Variants in GABRB2 observed in about 807,000 individuals in gnomAD.
GABRB2 encodes gamma-aminobutyric acid receptor subunit beta-2.
Under a neutral mutation model 54.7 loss-of-function variants are expected in GABRB2, and 16 were observed. The observed-to-expected ratio is 0.29, with a 90% CI of 0.20 to 0.44. The LOEUF (loss-of-function observed/expected upper bound fraction) is 0.44. Ranked by LOEUF, GABRB2 falls within the 20% of genes least tolerant of loss-of-function variation. The probability of loss-of-function intolerance (pLI) is 1.00; values close to 1 mark genes in which losing one functional copy is unlikely to be tolerated. For synonymous variants in GABRB2, 244 were observed against 233.8 expected (o/e 1.04, Z -0.40); for missense variants, 355 against 644.0 (o/e 0.55, Z 4.86).
chr5:161,356,917 TA>T (rs2113444584), intron 5 of GABRB2, among the ~76,000 whole-genome samples: 1 of 152,292 alleles, frequency 6.6e-6, no homozygotes, highest in Non-Finnish European at 1.5e-5. Flanking sequence ...AATACATATT[TA>T]TTTAGTGCAT....
intron 4 of GABRB2, among the ~76,000 whole-genome samples, chr5:161,421,034 C>T (rs113358340): frequency 1.4e-4 from 21 of 152,260 alleles, no homozygotes; most frequent in African/African-American, 4.8e-4. Context: ...TAAAGCAGCC[C>T]TCCTTCCCTC....
At chr5:161,434,631 T>A (rs1757259713) in intron 4 of GABRB2, among the ~76,000 whole-genome samples, 1 of 152,182 alleles carries the variant, frequency 6.6e-6, no homozygotes, top group Non-Finnish European at 1.5e-5. Context: ...TGGGTAACTC[T>A]AAGTCTTTAA....
chr5:161,466,448 C>G (rs185541878), intron 3 of GABRB2, among the ~76,000 whole-genome samples: 2 of 152,030 alleles, frequency 1.3e-5, no homozygotes, highest in Non-Finnish European at 2.9e-5. Flanking sequence ...TTCTAAATTT[C>G]TCTTCACTCA....
chr5:161,351,620 G>A (rs1268763346), intron 5 of GABRB2, among the ~76,000 whole-genome samples: 3 of 152,000 alleles, frequency 2.0e-5, no homozygotes, highest in Non-Finnish European at 4.4e-5. Flanking sequence ...AGCGGGAAAA[G>A]CTCCATGACA....
chr5:161,304,663 A>G (rs1331597551), intron 9 of GABRB2, among the ~76,000 whole-genome samples: 1 of 148,734 alleles, frequency 6.7e-6, no homozygotes, highest in Non-Finnish European at 1.5e-5. Flanking sequence ...AGAATGGTAA[A>G]TAAACTATAG....
At chr5:161,534,759 C>T (rs34846800) in intron 3 of GABRB2, among the ~76,000 whole-genome samples, 2,376 of 151,798 alleles carry the variant, frequency 0.016, 29 homozygotes, top group East Asian at 0.024. Context: ...ATTTATATTA[C>T]GTGGAATAGA....
chr5:161,321,507 TGAC>T (rs912801642), intron 9 of GABRB2, among the ~76,000 whole-genome samples: 5 of 152,148 alleles, frequency 3.3e-5, no homozygotes, highest in African/African-American at 1.2e-4. Context: ...TTCCTAACTT[TGAC>T]GACATTTTAC....
intron 5 of GABRB2, among the ~76,000 whole-genome samples, chr5:161,395,188 T>A (rs1755957028): frequency 6.6e-6 from 1 of 152,130 alleles, no homozygotes; most frequent in Admixed American, 6.6e-5. Flanking sequence ...TGGAGCCCAA[T>A]TTCTTTATGA....
At chr5:161,335,023 A>T (rs1753951883) in intron 6 of GABRB2, 119 bp from the exon 7 acceptor site, 2 of 988,270 alleles carry the variant, frequency 2.0e-6, no homozygotes, top group Middle Eastern at 3.3e-4. Context: ...AGTGAAGGAC[A>T]CTTTCTTCTG....
intron 9 of GABRB2, among the ~76,000 whole-genome samples, chr5:161,299,412 CT>C (rs1331738201): frequency 2.6e-5 from 4 of 152,162 alleles, no homozygotes; most frequent in Admixed American, 6.5e-5. Flanking sequence ...AATTTTCTCC[CT>C]GGATCTGCAC....
At chr5:161,532,077 C>A (rs978198389) in intron 3 of GABRB2, among the ~76,000 whole-genome samples, 1 of 151,868 alleles carries the variant, frequency 6.6e-6, no homozygotes, top group Non-Finnish European at 1.5e-5. Flanking sequence ...GGTAAGAGCT[C>A]AACAGTGATG....
At chr5:161,445,840 T>A (rs988717611) in intron 4 of GABRB2, among the ~76,000 whole-genome samples, 1 of 152,156 alleles carries the variant, frequency 6.6e-6, no homozygotes, top group African/African-American at 2.4e-5. Flanking sequence ...CTAAAATGTA[T>A]GAAAACCAAA....
chr5:161,526,233 G>A (rs1760274922), intron 3 of GABRB2, among the ~76,000 whole-genome samples: 1 of 151,418 alleles, frequency 6.6e-6, no homozygotes, highest in South Asian at 2.1e-4. Flanking sequence ...AAAGTAGACT[G>A]GCAATTCAAT....
chr5:161,431,472 C>T (rs1335348899), intron 4 of GABRB2, among the ~76,000 whole-genome samples: 3 of 152,080 alleles, frequency 2.0e-5, no homozygotes, highest in African/African-American at 7.2e-5. Context: ...TAAAAGTATA[C>T]AACTTATAAC....
chr5:161,389,747 T>C (rs1755762440), intron 5 of GABRB2, among the ~76,000 whole-genome samples: 1 of 151,962 alleles, frequency 6.6e-6, no homozygotes. Flanking sequence ...GTATCTTTAA[T>C]AACTCAAAAA....
chr5:161,336,814 C>CAAAAAAAA (rs559725109), intron 5 of GABRB2, 45 bp from the exon 6 acceptor site: 2 of 1,106,840 alleles, frequency 1.8e-6, no homozygotes, highest in South Asian at 2.0e-5. Flanking sequence ...ATACAGAAAA[C>CAAAAAAAA]AAAAAAAAAA....
chr5:161,412,675 G>T (rs1416649887), intron 4 of GABRB2, among the ~76,000 whole-genome samples: 1 of 151,926 alleles, frequency 6.6e-6, no homozygotes, highest in Non-Finnish European at 1.5e-5. Flanking sequence ...CTCACTCCAT[G>T]TCCTCAATCA....
At chr5:161,460,268 A>ATATATATATATGTG (rs1473728574) in intron 3 of GABRB2, among the ~76,000 whole-genome samples, 1 of 148,570 alleles carries the variant, frequency 6.7e-6, no homozygotes, top group Admixed American at 6.7e-5. Context: ...TTATATATAT[A>ATATATATATATGTG]TGTGTGTGTG....
chr5:161,522,941 ATGTGTG>A (rs1291791195), intron 3 of GABRB2, among the ~76,000 whole-genome samples: 5 of 150,246 alleles, frequency 3.3e-5, no homozygotes, highest in African/African-American at 7.3e-5. Context: ...AAATTTGTGT[ATGTGTG>A]TGTGTGTGTA....
Sources: gnomAD v4.1 joint callset for allele counts (sites outside exome capture counted in the v4.1 genomes callset) on GRCh38, gnomAD v4.1.1 for gene constraint, MANE v1.5 for transcripts, NCBI Gene and HGNC (gene_info 2026-07-23, HGNC 2026-07-21) for gene names.